TNFRSF8: variants seen among roughly 807,000 people sequenced by gnomAD.
TNFRSF8 encodes the protein TNF receptor superfamily member 8.
In TNFRSF8, 26 loss-of-function variants were observed where a neutral mutation model predicts 70.8. The observed-to-expected ratio is 0.37, with a 90% CI of 0.27 to 0.51. The LOEUF is 0.51. Ranked by LOEUF, TNFRSF8 falls within the 20% of genes least tolerant of loss-of-function variation. The pLI, the probability that TNFRSF8 is intolerant of heterozygous loss-of-function variation, is 0.94. For missense variants in TNFRSF8, 720 were observed against 807.9 expected (o/e 0.89, Z 1.32); for synonymous variants, 356 against 339.2 (o/e 1.05, Z -0.54).
Position 12,109,967 on chromosome 1 carries a change from CTG to C in TNFRSF8, c.513-72_513-71del, listed in dbSNP as rs1641597720. 2 of 1,538,130 alleles carry C rather than the reference CTG, an allele frequency of 1.3e-6. No individual in the cohort carries two copies. Among genetic ancestry groups the C allele is most frequent in the Non-Finnish European group, 1.8e-6 (2 of 1,133,504 alleles). On this transcript the variant is annotated intron_variant, in intron 5 of 14. Transcript: ENST00000263932. The surrounding 1 kb of genome is among the most constrained non-coding windows in gnomAD (Gnocchi z 4.4). ...GCCTGGGACCCCATCTCTGTGGAAA[CTG>C]TTACTCGTGAGCACAGGCCTCCCTT... is the stretch of plus-strand genomic sequence containing the variant.
chr1:12,129,645 C>T (rs561882226), intron 12 of TNFRSF8, among the ~76,000 whole-genome samples: 5 of 152,178 alleles, frequency 3.3e-5, no homozygotes, highest in Non-Finnish European at 2.9e-5. Flanking sequence ...TGTTTTCTCC[C>T]GAGTGGATTC....
intron 8 of TNFRSF8, among the ~76,000 whole-genome samples, chr1:12,121,077 A>G (rs947736451): frequency 1.3e-5 from 2 of 152,220 alleles, no homozygotes; most frequent in African/African-American, 4.8e-5. Context: ...GGGTTTGAGC[A>G]TCAGAGCTCC....
Position 12,112,009 on chromosome 1 carries a change from C to T in TNFRSF8, c.788C>T (p.Ser263Phe). 1.9e-6 allele frequency: 3 copies of T among 1,613,726 alleles called. No homozygotes were observed. Among genetic ancestry groups the T allele is most frequent in the Non-Finnish European group, 2.5e-6 (3 of 1,179,710 alleles). ...CGCTGCACGGCCTGCGTGAGCTGTT[C>T]TCGAGGTAAGGGCCTCGTCCCTCCC... ...AGRCTACVSC[S>F]RDDLVEKTPC... is the part of the protein sequence containing the mutation. The change falls in exon 7 of 15, where the codon TCT becomes TTT. Residue 263 changes from serine to phenylalanine, a missense_variant. Physicochemically the swap from Ser to Phe is radical, Grantham distance 155. Transcript: ENST00000263932. The surrounding 1 kb of genome is among the most constrained non-coding windows in gnomAD (Gnocchi z 5.3).
At chr1:12,083,447 G>C (rs963475711) in intron 1 of TNFRSF8, among the ~76,000 whole-genome samples, 1 of 152,214 alleles carries the variant, frequency 6.6e-6, no homozygotes, top group African/African-American at 2.4e-5. Context: ...CCAGCACTTT[G>C]GGAGGCCAAG....
intron 10 of TNFRSF8, among the ~76,000 whole-genome samples, chr1:12,124,883 A>AAAACAAAACAAAAC (rs1557600784): frequency 3.8e-5 from 5 of 132,016 alleles, no homozygotes. Context: ...CAAAACAAAC[A>AAAACAAAACAAAAC]AAACCCCCAA....
intron 3 of TNFRSF8, among the ~76,000 whole-genome samples, chr1:12,099,682 G>A (rs377669742): frequency 4.6e-5 from 7 of 151,608 alleles, no homozygotes; most frequent in South Asian, 2.1e-4. Context: ...CAATTTTGTC[G>A]TTGTGCAAGC....
At position 12,138,367 on chromosome 1, in the gene TNFRSF8, G is replaced by T; in HGVS notation, c.1474G>T (p.Gly492Trp). 1.9e-6 allele frequency: 3 copies of T among 1,613,614 alleles called. No homozygotes were observed. The highest frequency in any genetic ancestry group is 2.5e-6 in the Non-Finnish European group (3 of 1,179,872). Residue 492 changes from glycine to tryptophan, a missense_variant, in exon 14 of 15, where the codon GGG (glycine) becomes TGG (tryptophan). By Grantham distance (184) the Gly-to-Trp change is radical. Coordinates refer to ENST00000263932, the MANE Select transcript of TNFRSF8 (RefSeq NM_001243.5). This position sits in a 1 kb window ranked among gnomAD's most constrained non-coding sequence, Gnocchi z 5.7. The stretch of plus-strand genomic sequence containing the variant: ...GCCGCTGCAGGATGCCAGCCCGGCC[G>T]GGGGCCCCTCGTCCCCCAGGGACCT... ...SLPLQDASPA[G>W]GPSSPRDLPE...
At chr1:12,098,705 A>G (rs955906674) in intron 3 of TNFRSF8, among the ~76,000 whole-genome samples, 3 of 152,192 alleles carry the variant, frequency 2.0e-5, no homozygotes, top group African/African-American at 7.2e-5. Context: ...AAAATTAAGA[A>G]AGGAGGTTAT....
intron 2 of TNFRSF8, among the ~76,000 whole-genome samples, chr1:12,092,534 G>A (rs1330544347): frequency 7.0e-6 from 1 of 143,364 alleles, no homozygotes; most frequent in East Asian, 2.0e-4. Context: ...TTGAGACAGA[G>A]TCTCACTCTG....
intron 12 of TNFRSF8, among the ~76,000 whole-genome samples, chr1:12,133,940 C>G (rs574003718): frequency 6.6e-6 from 1 of 151,940 alleles, no homozygotes; most frequent in Non-Finnish European, 1.5e-5. Context: ...GTAATCCCAG[C>G]TACTTGTGAG....
intron 1 of TNFRSF8, among the ~76,000 whole-genome samples, chr1:12,075,217 C>T (rs1640917036): frequency 6.6e-6 from 1 of 151,252 alleles, no homozygotes; most frequent in South Asian, 2.1e-4. Flanking sequence ...ACACTCCAGC[C>T]TGGGCGACAG....
At chr1:12,114,782 C>T (rs1641698801) in intron 7 of TNFRSF8, among the ~76,000 whole-genome samples, 2 of 135,994 alleles carry the variant, frequency 1.5e-5, no homozygotes, top group South Asian at 4.9e-4. Flanking sequence ...TATCTTGGCT[C>T]ACTGCAACCT....
intron 2 of TNFRSF8, among the ~76,000 whole-genome samples, chr1:12,095,856 C>G (rs921118704): frequency 2.6e-5 from 4 of 152,218 alleles, no homozygotes; most frequent in Non-Finnish European, 4.4e-5. Flanking sequence ...GATGTTTGAA[C>G]GATGTCCTCA....
chr1:12,116,732 A>G (rs1007090134), intron 8 of TNFRSF8, among the ~76,000 whole-genome samples: 1 of 152,094 alleles, frequency 6.6e-6, no homozygotes, highest in Non-Finnish European at 1.5e-5. Context: ...CCCGGGAGGC[A>G]TAGGTTGCAG....
chr1:12,115,364 A>G (rs1007389562), intron 7 of TNFRSF8, among the ~76,000 whole-genome samples: 2 of 152,222 alleles, frequency 1.3e-5, no homozygotes, highest in African/African-American at 4.8e-5. Flanking sequence ...AATGCGACAT[A>G]CAGAATACCC....
chr1:12,112,616 G>A lies in TNFRSF8; in HGVS notation c.793+602G>A, dbSNP rs1362525480. The stretch of plus-strand genomic sequence containing the variant: ...TCACTATGTTGCCCAGGCTGCTCTC[G>A]AACTCCTGGACTCAAATGGTCCTCC... On this transcript the variant is annotated intron_variant, in intron 7 of 14. Coordinates refer to ENST00000263932, the MANE Select transcript of TNFRSF8 (RefSeq NM_001243.5). This position sits in a 1 kb window ranked among gnomAD's most constrained non-coding sequence, Gnocchi z 5.3. Among the ~76,000 whole-genome samples, 2 of 151,982 alleles carry A rather than the reference G, an allele frequency of 1.3e-5. No homozygotes were observed. The highest frequency in any genetic ancestry group is 2.1e-4 in the South Asian group (1 of 4,832).
intron 4 of TNFRSF8, among the ~76,000 whole-genome samples, chr1:12,105,059 C>T (rs1641496668): frequency 6.6e-6 from 1 of 152,162 alleles, no homozygotes; most frequent in Admixed American, 6.6e-5. Flanking sequence ...TGCTTTTAAC[C>T]AGAGAAGGGG....
intron 12 of TNFRSF8, among the ~76,000 whole-genome samples, chr1:12,134,160 A>G (rs139222014): frequency 7.2e-5 from 11 of 152,328 alleles, no homozygotes; most frequent in African/African-American, 2.6e-4. Flanking sequence ...ACTGGTGAGC[A>G]TATCTGTGAG....
chr1:12,090,481 T>TACCCACTCATCCATCCACCC (rs1173770416), intron 2 of TNFRSF8, among the ~76,000 whole-genome samples: 12 of 139,472 alleles, frequency 8.6e-5, no homozygotes, highest in African/African-American at 3.0e-4. Context: ...TCCATCCACG[T>TACCCACTCATCCATCCACCC]ACCCACTCAT....
Sources: gnomAD v4.1 joint callset for allele counts (sites outside exome capture counted in the v4.1 genomes callset) on GRCh38, gnomAD v4.1.1 for gene constraint, Gnocchi (gnomAD v3.1) non-coding constraint, MANE v1.5 for transcripts, NCBI Gene and HGNC (gene_info 2026-07-23, HGNC 2026-07-21) for gene names.